KIRREL3: variants seen among roughly 807,000 people sequenced by gnomAD.
KIRREL3 encodes the protein kirre like nephrin family adhesion molecule 3, also known as kin of IRRE-like protein 3.
Under a neutral mutation model 89.7 loss-of-function variants are expected in KIRREL3, and 36 were observed. The ratio of observed to expected loss-of-function variants is 0.40; its 90% CI spans 0.31 to 0.53. The LOEUF (loss-of-function observed/expected upper bound fraction) is 0.53. Ranked by LOEUF, KIRREL3 falls within the 20% of genes least tolerant of loss-of-function variation. The pLI is 0.49. For synonymous variants in KIRREL3, 445 were observed against 441.4 expected (o/e 1.01, Z -0.10); for missense variants, 864 against 1,056.6 (o/e 0.82, Z 2.53).
rs1457040850 is a variant in KIRREL3, at chr11:126,431,952, G to A, written c.1589-426C>T. ...TGGCTTTTTTTGAAAAATGACTATG[G>A]TCACTGCCCTTGTTTGTTCCGTATG... On this transcript the variant is annotated intron_variant, in intron 13 of 16. Coordinates refer to ENST00000525144, the MANE Select transcript of KIRREL3 (RefSeq NM_032531.4). This position sits in a 1 kb window ranked among gnomAD's most constrained non-coding sequence, Gnocchi z 7.1. Among the ~76,000 whole-genome samples, 1 of 152,112 alleles carries A rather than the reference G, an allele frequency of 6.6e-6. No individual in the cohort carries two copies. Among genetic ancestry groups the A allele is most frequent in the Non-Finnish European group, 1.5e-5 (1 of 68,008 alleles).
intron 1 of KIRREL3, among the ~76,000 whole-genome samples, chr11:126,662,340 A>G (rs529645313): frequency 3.5e-4 from 54 of 152,240 alleles, no homozygotes; most frequent in Non-Finnish European, 6.2e-4. Flanking sequence ...CTTGGAGAGC[A>G]CTAGAGGCTT....
intron 1 of KIRREL3, among the ~76,000 whole-genome samples, chr11:126,654,994 A>C (rs1396020594): frequency 6.6e-6 from 1 of 152,120 alleles, no homozygotes; most frequent in Non-Finnish European, 1.5e-5. Flanking sequence ...CAGATTTTAC[A>C]TAGGAGGAAG....
chr11:126,673,674 A>T (rs1270459721), intron 1 of KIRREL3, among the ~76,000 whole-genome samples: 2 of 152,190 alleles, frequency 1.3e-5, no homozygotes, highest in Non-Finnish European at 2.9e-5. Context: ...CTTCCATGGG[A>T]TGTCCTGGAG....
chr11:126,770,957 T>C (rs2134297934), intron 1 of KIRREL3, among the ~76,000 whole-genome samples: 1 of 152,310 alleles, frequency 6.6e-6, no homozygotes, highest in South Asian at 2.1e-4. Flanking sequence ...TGCCTCAGCC[T>C]CCCGAGTAGC....
chr11:126,694,921 C>T lies in KIRREL3; in HGVS notation c.56-132009G>A, dbSNP rs375388016. 3.0e-4 allele frequency among the ~76,000 whole-genome samples: 45 copies of T among 152,298 alleles called. No individual in the cohort carries two copies. Among genetic ancestry groups the T allele is most frequent in the African/African-American group, 1.0e-3 (43 of 41,560 alleles). On this transcript the variant is annotated intron_variant, in intron 1 of 16. Transcript: ENST00000525144. The surrounding 1 kb of genome is among the most constrained non-coding windows in gnomAD (Gnocchi z 4.4). ...TTTTGACTCAAAAAGAATGAAGGCT[C>T]CCTCACTCCTTTGCTTTGATTGGGA...
intron 1 of KIRREL3, among the ~76,000 whole-genome samples, chr11:126,938,333 C>G (rs927205293): frequency 1.3e-5 from 2 of 152,200 alleles, no homozygotes; most frequent in African/African-American, 4.8e-5. Context: ...TGTCAAGGCT[C>G]TAATGACACT....
At chr11:126,839,069 T>C (rs1943872584) in intron 1 of KIRREL3, among the ~76,000 whole-genome samples, 1 of 152,192 alleles carries the variant, frequency 6.6e-6, no homozygotes, top group South Asian at 2.1e-4. Flanking sequence ...GAAGAGTATG[T>C]CAAGCCTCTA....
intron 4 of KIRREL3, among the ~76,000 whole-genome samples, chr11:126,506,651 C>A (rs576013359): frequency 3.3e-5 from 5 of 152,324 alleles, no homozygotes; most frequent in South Asian, 2.1e-4. Flanking sequence ...AACAGCATGG[C>A]AGTTTCTTAA....
intron 2 of KIRREL3, among the ~76,000 whole-genome samples, chr11:126,542,827 C>A (rs1938474191): frequency 6.6e-6 from 1 of 152,186 alleles, no homozygotes; most frequent in Non-Finnish European, 1.5e-5. Flanking sequence ...GGACAATTTG[C>A]CAACAGATAC....
In KIRREL3 at chr11:126,745,263, C is replaced by A. The variant is rs192490442; in HGVS notation, c.56-182351G>T. The stretch of plus-strand genomic sequence containing the variant: ...AAGAAAACCACTCTGAAATTGCAGG[C>A]TTTCAAATGAAGCTTTGTAGTACAT... On this transcript the variant is annotated intron_variant, in intron 1 of 16. Transcript: ENST00000525144. Among the ~76,000 whole-genome samples, 26 of 152,200 alleles carry A rather than the reference C, an allele frequency of 1.7e-4. No individual in the cohort carries two copies. The East Asian group carries it at 4.4e-3, about 26-fold the overall frequency.
In KIRREL3 at chr11:126,983,179, G is replaced by C. The variant is rs935104913; in HGVS notation, c.55+17276C>G. Among the ~76,000 whole-genome samples, 5 of 151,366 alleles carry C rather than the reference G, an allele frequency of 3.3e-5. No homozygotes were observed. Among genetic ancestry groups the C allele is most frequent in the Admixed American group, 3.3e-4 (5 of 15,178 alleles). On this transcript the variant is annotated intron_variant, in intron 1 of 16. Transcript: ENST00000525144. This position sits in a 1 kb window ranked among gnomAD's most constrained non-coding sequence, Gnocchi z 4.9. Reference sequence around the variant, plus strand: ...CTTATAAGTAGTGAGGCTACTTGTAGGTACAATATTATAATAACCATTTTG... The same window carrying C: ...CTTATAAGTAGTGAGGCTACTTGTACGTACAATATTATAATAACCATTTTG...
At chr11:126,793,717 T>C (rs892576988) in intron 1 of KIRREL3, among the ~76,000 whole-genome samples, 44 of 152,102 alleles carry the variant, frequency 2.9e-4, no homozygotes, top group African/African-American at 1.0e-3. Flanking sequence ...CTAAGGAAAA[T>C]GCGTAAATGA....
chr11:126,636,110 G>A lies in KIRREL3; in HGVS notation c.56-73198C>T, dbSNP rs1944255748. On this transcript the variant is annotated intron_variant, in intron 1 of 16. Transcript: ENST00000525144. This position sits in a 1 kb window ranked among gnomAD's most constrained non-coding sequence, Gnocchi z 4.4. ...TGCCACTTACTATTTTTAGGACCTT[G>A]GGGAAGTCATATAGAATTTTGAATT... 6.6e-6 allele frequency among the ~76,000 whole-genome samples: 1 copy of A among 152,150 alleles called. No homozygotes were observed. The highest frequency in any genetic ancestry group is 2.4e-5 in the African/African-American group (1 of 41,432).
chr11:126,951,157 G>A (rs1485661085), intron 1 of KIRREL3, among the ~76,000 whole-genome samples: 1 of 152,190 alleles, frequency 6.6e-6, no homozygotes, highest in Admixed American at 6.5e-5. Context: ...TACCTGCCAT[G>A]TGGGATAAGG....
At position 126,628,580 on chromosome 11, in the gene KIRREL3, C is replaced by G. The variant is rs144262294; in HGVS notation, c.56-65668G>C. On this transcript the variant is annotated intron_variant, in intron 1 of 16. Coordinates refer to ENST00000525144, the MANE Select transcript of KIRREL3 (RefSeq NM_032531.4). This position sits in a 1 kb window ranked among gnomAD's most constrained non-coding sequence, Gnocchi z 5.2. ...TTTCAGCAACTTGTTCTATTGCCAA[C>G]CTTTCTATAAGCCTTCTTCTGAGAT... Among the ~76,000 whole-genome samples the G allele has an allele frequency of 3.3e-5, 5 of 152,182 alleles. No individual in the cohort carries two copies. The highest frequency in any genetic ancestry group is 2.6e-4 in the Admixed American group (4 of 15,270).
In KIRREL3 at chr11:126,772,309, CTT is replaced by C. The variant is rs1950043011; in HGVS notation, c.56-209399_56-209398del. ...GGGTCAATGTTTGTAAGACCAGACT[CTT>C]AAATTCAAGGCAGCTAAGACCGGTT... On this transcript the variant is annotated intron_variant, in intron 1 of 16. Transcript: ENST00000525144. The surrounding 1 kb of genome is among the most constrained non-coding windows in gnomAD (Gnocchi z 4.6). Among the ~76,000 whole-genome samples the C allele has an allele frequency of 6.6e-6, 1 of 152,176 alleles. No homozygotes were observed. The highest frequency in any genetic ancestry group is 1.5e-5 in the Non-Finnish European group (1 of 68,028).
At chr11:126,757,758 G>A (rs999530335) in intron 1 of KIRREL3, among the ~76,000 whole-genome samples, 1 of 151,992 alleles carries the variant, frequency 6.6e-6, no homozygotes, top group Non-Finnish European at 1.5e-5. Flanking sequence ...AGAGTCTACT[G>A]TTCTTTTAAA....
In KIRREL3 at chr11:126,716,312, G is replaced by A. The variant is rs537010637; in HGVS notation, c.56-153400C>T. Among the ~76,000 whole-genome samples the A allele has an allele frequency of 3.9e-5, 6 of 152,244 alleles. No individual in the cohort carries two copies. In the South Asian group the frequency reaches 1.2e-3, roughly 32 times the overall value. ...GTATGGAGCACCTGCTAGGTGTCACGCATTGAGCTAGGTGTCATTTCATTA... is the reference window on the plus strand; with the variant it reads ...GTATGGAGCACCTGCTAGGTGTCACACATTGAGCTAGGTGTCATTTCATTA... On this transcript the variant is annotated intron_variant, in intron 1 of 16. Transcript: ENST00000525144.
rs538630727 is a variant in KIRREL3 at position 126,504,805 on chromosome 11, A to G, written c.433+16510T>C. Among the ~76,000 whole-genome samples the G allele has an allele frequency of 1.1e-4, 17 of 152,372 alleles. No individual in the cohort carries two copies. The South Asian group carries it at 3.5e-3, about 32-fold the overall frequency. ...AACATATAAAAAAAGATTATATGCCATGACCACATGGGATTTTTATCCCAG... is the reference window on the plus strand; with the variant it reads ...AACATATAAAAAAAGATTATATGCCGTGACCACATGGGATTTTTATCCCAG... On this transcript the variant is annotated intron_variant, in intron 4 of 16. Transcript: ENST00000525144.
Sources: gnomAD v4.1 joint callset for allele counts (sites outside exome capture counted in the v4.1 genomes callset) on GRCh38, gnomAD v4.1.1 for gene constraint, Gnocchi (gnomAD v3.1) non-coding constraint, MANE v1.5 for transcripts, NCBI Gene and HGNC (gene_info 2026-07-23, HGNC 2026-07-21) for gene names.